The following LGSN variants were observed in gnomAD, a reference collection of about 807,000 sequenced individuals.
The protein encoded by LGSN is lengsin, lens protein with glutamine synthetase domain.
In LGSN, 21 loss-of-function variants were observed where a neutral mutation model predicts 19.5. That is an observed-to-expected ratio of 1.07 (90% CI 0.76 to 1.55). The LOEUF is 1.55. Among genes scored for constraint, LGSN ranks in the 40% most tolerant of loss-of-function variants. LGSN has a pLI of 0.00. For synonymous variants in LGSN, 257 were observed against 215.6 expected (o/e 1.19, Z -1.68); for missense variants, 673 against 608.5 (o/e 1.11, Z -1.12).
chr6:63,351,709 C>T, the LGSN span, among the ~76,000 whole-genome samples: 7 of 152,088 alleles, frequency 4.6e-5, no homozygotes, highest in Non-Finnish European at 7.4e-5. Context: ...CCACCCACCT[C>T]GGCCTCCCAA....
chr6:63,285,470 T>C lies in LGSN; in HGVS notation c.330+117A>G, dbSNP rs534942846. 6.9e-4 allele frequency: 562 copies of C among 811,144 alleles called. 1 individual carries two copies. The African/African-American group carries it at 8.4e-3, about 12-fold the overall frequency. The allele number at this position is 811,144 out of a possible 1,614,324, so 50.2% of individuals were successfully genotyped here. On this transcript the variant is annotated intron_variant, in intron 3 of 3. Coordinates refer to ENST00000370657, the MANE Select transcript of LGSN (RefSeq NM_016571.3). ...ACAAGGGAAGAAACAAAATAAGTTA[T>C]TGATTTTCAGCTTGAATTGCTGTAT...
the LGSN span, among the ~76,000 whole-genome samples, chr6:63,331,740 A>T: frequency 1.3e-5 from 2 of 152,158 alleles, no homozygotes; most frequent in Non-Finnish European, 2.9e-5. Flanking sequence ...CTCCCAGACC[A>T]CATGGAGGAC....
chr6:63,556,098 C>T, the LGSN span, among the ~76,000 whole-genome samples: 1 of 152,176 alleles, frequency 6.6e-6, no homozygotes, highest in Non-Finnish European at 1.5e-5. Context: ...TTCAAGTTCA[C>T]ATTTTGCAAA....
At chr6:63,311,768 T>C (rs550397584) in intron 1 of LGSN, among the ~76,000 whole-genome samples, 2 of 152,328 alleles carry the variant, frequency 1.3e-5, no homozygotes, top group East Asian at 3.9e-4. Flanking sequence ...ACATTTTCCA[T>C]GAACTTTTTG....
intron 1 of LGSN, among the ~76,000 whole-genome samples, chr6:63,311,538 G>A (rs2127395035): frequency 6.6e-6 from 1 of 152,194 alleles, no homozygotes; most frequent in Admixed American, 6.5e-5. Flanking sequence ...AAAGCATCAA[G>A]GATTTCACCA....
chr6:63,431,081 T>C, the LGSN span, among the ~76,000 whole-genome samples: 19 of 152,214 alleles, frequency 1.2e-4, no homozygotes, highest in African/African-American at 3.9e-4. Context: ...TGCTTTGATA[T>C]ACATTATCCC....
intron 1 of LGSN, 108 bp downstream of exon 1, chr6:63,319,806 T>C (rs1186856291): frequency 1.4e-5 from 11 of 766,784 alleles, no homozygotes; most frequent in Non-Finnish European, 2.3e-6. Flanking sequence ...ATATAACAAG[T>C]ATAATTATGC....
chr6:63,394,580 C>T, the LGSN span, among the ~76,000 whole-genome samples: 3 of 152,214 alleles, frequency 2.0e-5, no homozygotes, highest in East Asian at 1.9e-4. Flanking sequence ...AAGAAATAAC[C>T]GTAAAAATAA....
the LGSN span, among the ~76,000 whole-genome samples, chr6:63,454,733 G>A: frequency 6.7e-6 from 1 of 149,912 alleles, no homozygotes; most frequent in Admixed American, 6.6e-5. Flanking sequence ...GCCTCCCGAA[G>A]TGCTGGGATT....
At chr6:63,336,851 C>T in the LGSN span, among the ~76,000 whole-genome samples, 1 of 151,982 alleles carries the variant, frequency 6.6e-6, no homozygotes, top group African/African-American at 2.4e-5. Flanking sequence ...AGTACCGCCT[C>T]AGCCTCCCAA....
upstream of LGSN, among the ~76,000 whole-genome samples, chr6:63,322,904 G>T (rs1769118443): frequency 6.6e-6 from 1 of 152,172 alleles, no homozygotes; most frequent in East Asian, 1.9e-4. Context: ...ATTTGTTTCA[G>T]AAAGGGAATT....
At chr6:63,285,156 G>A (rs1396433402) in intron 3 of LGSN, among the ~76,000 whole-genome samples, 2 of 152,126 alleles carry the variant, frequency 1.3e-5, no homozygotes, top group East Asian at 3.8e-4. Flanking sequence ...AGAATTTGGA[G>A]CTGAAAGGAA....
chr6:63,468,372 C>A, the LGSN span, among the ~76,000 whole-genome samples: 3 of 152,180 alleles, frequency 2.0e-5, no homozygotes, highest in Middle Eastern at 3.4e-3. Context: ...AAGTGATACA[C>A]CCGCCTTGGC....
chr6:63,420,701 A>G, the LGSN span, among the ~76,000 whole-genome samples: 1 of 152,352 alleles, frequency 6.6e-6, no homozygotes, highest in African/African-American at 2.4e-5. Context: ...CAGAGTCTCA[A>G]AACACAATAT....
At chr6:63,557,167 T>C in the LGSN span, among the ~76,000 whole-genome samples, 63 of 152,306 alleles carry the variant, frequency 4.1e-4, no homozygotes, top group African/African-American at 1.5e-3. Context: ...AAAATGATTA[T>C]CATCATGGGA....
rs1767292445 is a variant in LGSN at position 63,281,106 on chromosome 6, G to A, written c.445C>T (p.Leu149=). The part of the protein sequence containing the change: ...RATCFNSDIV[L]MPELSTFRVL... ...CTAAAGGTTGATAACTCTGGCATTA[G>A]GACTATGTCGCTATTAAAACATGTG... Residue 149 remains leucine (L), a synonymous_variant, in exon 4 of 4, where the codon CTA becomes TTA. Coordinates refer to ENST00000370657, the MANE Select transcript of LGSN (RefSeq NM_016571.3). 2.5e-6 allele frequency: 4 copies of A among 1,613,538 alleles called. No individual in the cohort carries two copies. The South Asian group carries it at 3.3e-5, about 13-fold the overall frequency.
intron 2 of LGSN, 63 bp from the exon 3 acceptor site, chr6:63,285,816 A>G: frequency 7.8e-7 from 1 of 1,281,924 alleles, no homozygotes; most frequent in East Asian, 2.3e-5. Context: ...GCAAAAGGAG[A>G]CTGGAGACTA....
chr6:63,338,304 G>C, the LGSN span, among the ~76,000 whole-genome samples: 1 of 152,186 alleles, frequency 6.6e-6, no homozygotes, highest in African/African-American at 2.4e-5. Context: ...GAGATCATAA[G>C]AGTAGGGTTT....
chr6:63,470,544 TA>T, the LGSN span, among the ~76,000 whole-genome samples: 1 of 152,050 alleles, frequency 6.6e-6, no homozygotes, highest in African/African-American at 2.4e-5. Context: ...TAAATATATA[TA>T]TTTTTTATTT....
Sources: gnomAD v4.1 joint callset for allele counts (sites outside exome capture counted in the v4.1 genomes callset) on GRCh38, gnomAD v4.1.1 for gene constraint, MANE v1.5 for transcripts, NCBI Gene and HGNC (gene_info 2026-07-23, HGNC 2026-07-21) for gene names.